The following PRKN variants were observed in gnomAD, a reference collection of about 807,000 sequenced individuals.
PRKN encodes parkin RBR E3 ubiquitin protein ligase.
PRKN carries 56 observed loss-of-function variants against 59.5 expected under a neutral mutation model. The observed-to-expected ratio is 0.94, with a 90% CI of 0.76 to 1.18. PRKN has a LOEUF of 1.18. Among genes scored for constraint, PRKN ranks in the 50% most tolerant of loss-of-function variants. PRKN has a pLI of 0.00. For missense variants in PRKN, 657 were observed against 596.4 expected (o/e 1.10, Z -1.06); for synonymous variants, 250 against 222.1 (o/e 1.13, Z -1.12).
chr6:161,598,255 C>G (rs1562550560), intron 7 of PRKN, among the ~76,000 whole-genome samples: 2 of 152,202 alleles, frequency 1.3e-5, no homozygotes, highest in South Asian at 2.1e-4. Flanking sequence ...AACTCATAAG[C>G]CATAAACTCA....
chr6:162,464,659 C>CAAA (rs1164797005), intron 1 of PRKN, among the ~76,000 whole-genome samples: 176 of 79,896 alleles, frequency 2.2e-3, no homozygotes, highest in African/African-American at 4.7e-3. Context: ...ACTAAAAATA[C>CAAA]AAAAAAAAAA....
chr6:161,827,908 C>A lies in PRKN; in HGVS notation c.735-42000G>T, dbSNP rs1792316922. Among the ~76,000 whole-genome samples, 2 of 152,152 alleles carry A rather than the reference C, an allele frequency of 1.3e-5. 1 individual carries two copies. Among genetic ancestry groups the A allele is most frequent in the South Asian group, 4.1e-4 (2 of 4,820 alleles). On this transcript the variant is annotated intron_variant, in intron 6 of 11. Coordinates refer to ENST00000366898, the MANE Select transcript of PRKN (RefSeq NM_004562.3). ...CAAGTTTTATTGACTATTTAGTTAC[C>A]AGCTTTACTGATCACAACCAAGTTT...
chr6:161,880,525 G>C (rs1251868874), intron 6 of PRKN, among the ~76,000 whole-genome samples: 1 of 152,132 alleles, frequency 6.6e-6, no homozygotes, highest in East Asian at 1.9e-4. Context: ...TGGGATATGA[G>C]GGCATTACCT....
At chr6:162,544,747 G>A (rs1291315487) in intron 1 of PRKN, among the ~76,000 whole-genome samples, 10 of 137,604 alleles carry the variant, frequency 7.3e-5, no homozygotes, top group African/African-American at 2.4e-4. Flanking sequence ...GCGCGATGTC[G>A]ACTCACGGCA....
intron 3 of PRKN, among the ~76,000 whole-genome samples, chr6:162,256,809 C>T (rs898843081): frequency 2.6e-5 from 4 of 152,176 alleles, no homozygotes; most frequent in South Asian, 2.1e-4. Context: ...CAATGTCTCC[C>T]TTCCCCTTGA....
rs1562453848 is a variant in PRKN at position 161,444,371 on chromosome 6, A to T, written c.1084-57494T>A. Among the ~76,000 whole-genome samples the T allele has an allele frequency of 6.6e-6, 1 of 152,240 alleles. No individual in the cohort carries two copies. Among genetic ancestry groups the T allele is most frequent in the Non-Finnish European group, 1.5e-5 (1 of 68,042 alleles). On this transcript the variant is annotated intron_variant, in intron 9 of 11. Coordinates refer to ENST00000366898, the MANE Select transcript of PRKN (RefSeq NM_004562.3). This position sits in a 1 kb window ranked among gnomAD's most constrained non-coding sequence, Gnocchi z 5.6. ...GCTCTGTAATGGGTTTAGCCAAAGC[A>T]TCCCCACCACCTTCCTCCAGGAATG...
At chr6:161,701,149 C>T (rs1786235738) in intron 7 of PRKN, among the ~76,000 whole-genome samples, 1 of 152,148 alleles carries the variant, frequency 6.6e-6, no homozygotes, top group Non-Finnish European at 1.5e-5. Flanking sequence ...GAAAATGTCA[C>T]AACAAACTCT....
chr6:162,071,968 C>T (rs1040776813), intron 4 of PRKN, among the ~76,000 whole-genome samples: 5 of 152,100 alleles, frequency 3.3e-5, no homozygotes, highest in African/African-American at 1.2e-4. Context: ...CACTACCAAA[C>T]ACTATCATAA....
intron 2 of PRKN, among the ~76,000 whole-genome samples, chr6:162,413,934 C>T (rs1309169409): frequency 6.6e-6 from 1 of 152,134 alleles, no homozygotes; most frequent in East Asian, 1.9e-4. Flanking sequence ...GTAGTCCCAG[C>T]ACTTTGGGAG....
chr6:161,764,875 A>C (rs941564338), intron 7 of PRKN, among the ~76,000 whole-genome samples: 1 of 152,224 alleles, frequency 6.6e-6, no homozygotes, highest in African/African-American at 2.4e-5. Flanking sequence ...TATTGGCATC[A>C]GAAAAGCAAC....
At chr6:162,584,207 C>T (rs1439349418) in intron 1 of PRKN, among the ~76,000 whole-genome samples, 48 of 128,070 alleles carry the variant, frequency 3.7e-4, no homozygotes, top group African/African-American at 1.4e-3. Context: ...AGTGAGACTC[C>T]GTCTCAAAAA....
At chr6:161,424,516 C>T (rs145280302) in intron 9 of PRKN, among the ~76,000 whole-genome samples, 120 of 152,166 alleles carry the variant, frequency 7.9e-4, no homozygotes, top group Admixed American at 3.4e-3. Context: ...CAAGTTAGGG[C>T]TTAGCTGGCT....
intron 1 of PRKN, among the ~76,000 whole-genome samples, chr6:162,622,520 C>A (rs1330280589): frequency 3.3e-5 from 5 of 151,936 alleles, no homozygotes; most frequent in African/African-American, 4.8e-5. Flanking sequence ...TAATTAGACA[C>A]CTTTTTAAAA....
intron 5 of PRKN, among the ~76,000 whole-genome samples, chr6:162,050,028 C>T (rs1028831822): frequency 6.6e-6 from 1 of 152,116 alleles, no homozygotes; most frequent in Non-Finnish European, 1.5e-5. Flanking sequence ...AAGATCATAC[C>T]ATTTTAAACT....
chr6:161,863,590 G>T lies in PRKN; in HGVS notation c.735-77682C>A, dbSNP rs1793994469. On this transcript the variant is annotated intron_variant, in intron 6 of 11. Coordinates refer to ENST00000366898, the MANE Select transcript of PRKN (RefSeq NM_004562.3). Reference sequence around the variant, plus strand: ...ACATTTCCTGGAAGTGATGGTGAAGGTAATCTCTGTATGACAATTAACCCA... The same window carrying T: ...ACATTTCCTGGAAGTGATGGTGAAGTTAATCTCTGTATGACAATTAACCCA... Among the ~76,000 whole-genome samples the T allele has an allele frequency of 2.0e-5, 3 of 152,106 alleles. No homozygotes were observed. In the South Asian group the frequency reaches 6.2e-4, roughly 32 times the overall value.
At chr6:162,460,424 G>A (rs1791097057) in intron 1 of PRKN, among the ~76,000 whole-genome samples, 1 of 152,198 alleles carries the variant, frequency 6.6e-6, no homozygotes, top group Admixed American at 6.5e-5. Context: ...TGGGAGTGAT[G>A]AAAATCAAAA....
intron 5 of PRKN, among the ~76,000 whole-genome samples, chr6:162,008,329 C>G (rs1216620263): frequency 1.3e-5 from 2 of 152,120 alleles, no homozygotes; most frequent in South Asian, 4.1e-4. Context: ...TGCTTCGTGC[C>G]CCGGGGGCCC....
chr6:162,318,959 C>T (rs1782868515), intron 2 of PRKN, among the ~76,000 whole-genome samples: 1 of 151,930 alleles, frequency 6.6e-6, no homozygotes, highest in African/African-American at 2.4e-5. Context: ...CACAAAAGAA[C>T]ACTAAGTTAT....
chr6:161,516,497 G>GAAGAAGA (rs1365655989), intron 9 of PRKN, among the ~76,000 whole-genome samples: 1 of 77,336 alleles, frequency 1.3e-5, no homozygotes, highest in African/African-American at 6.8e-5. Flanking sequence ...AAAAAAAGAA[G>GAAGAAGA]AAGAAGAAAG....
Sources: gnomAD v4.1 joint callset for allele counts (sites outside exome capture counted in the v4.1 genomes callset) on GRCh38, gnomAD v4.1.1 for gene constraint, Gnocchi (gnomAD v3.1) non-coding constraint, MANE v1.5 for transcripts, NCBI Gene and HGNC (gene_info 2026-07-23, HGNC 2026-07-21) for gene names.